The following GRIP1 variants were observed in gnomAD, a reference collection of about 807,000 sequenced individuals.
GRIP1 encodes the protein glutamate receptor interacting protein 1.
GRIP1 carries 45 observed loss-of-function variants against 129.9 expected under a neutral mutation model. The observed-to-expected ratio is 0.35, with a 90% CI of 0.27 to 0.44. GRIP1 has a LOEUF of 0.44. GRIP1 is among the 20% of genes least tolerant of loss of function. The pLI is 1.00. For synonymous variants in GRIP1, 530 were observed against 520.8 expected, an observed-to-expected ratio of 1.02 and a Z score of -0.24; for missense variants, 1,196 against 1,396.8, an observed-to-expected ratio of 0.86 and a Z score of 2.29.
At chr12:66,795,603 T>C (rs925974506) in intron 1 of GRIP1, among the ~76,000 whole-genome samples, 1 of 152,178 alleles carries the variant, frequency 6.6e-6, no homozygotes, top group Non-Finnish European at 1.5e-5. Context: ...ATTTAACACA[T>C]AGTAAGTTAT....
At chr12:67,001,922 T>C (rs536782198) in intron 1 of GRIP1, among the ~76,000 whole-genome samples, 2 of 152,044 alleles carry the variant, frequency 1.3e-5, no homozygotes, top group Non-Finnish European at 2.9e-5. Context: ...CCATTGTCCC[T>C]ACCAGTCATT....
intron 2 of GRIP1, among the ~76,000 whole-genome samples, chr12:66,566,683 G>C (rs1041272130): frequency 6.6e-6 from 1 of 152,140 alleles, no homozygotes; most frequent in Non-Finnish European, 1.5e-5. Context: ...GATTGAAATA[G>C]TTTCAGAAGG....
upstream of GRIP1, among the ~76,000 whole-genome samples, chr12:66,683,796 T>A (rs962079147): frequency 6.6e-6 from 1 of 152,214 alleles, no homozygotes; most frequent in African/African-American, 2.4e-5. Context: ...GCTAAAAGCA[T>A]CTGGTGGAAA....
chr12:66,677,368 T>A (rs1471543926), intron 1 of GRIP1, among the ~76,000 whole-genome samples: 1 of 152,174 alleles, frequency 6.6e-6, no homozygotes, highest in Non-Finnish European at 1.5e-5. Context: ...ACTGATTGTT[T>A]CATGTTTATG....
Position 66,463,105 on chromosome 12 carries a change from A to G in GRIP1, c.873-12T>C, listed in dbSNP as rs901199278. 6 of 1,612,244 alleles carry G rather than the reference A, an allele frequency of 3.7e-6. No individual in the cohort carries two copies. The highest frequency in any genetic ancestry group is 5.1e-6 in the Non-Finnish European group (6 of 1,178,400). On this transcript the variant is annotated splice_polypyrimidine_tract_variant and intron_variant, in intron 8 of 24. Coordinates refer to ENST00000359742, the MANE Select transcript of GRIP1 (RefSeq NM_001366722.1). Reference sequence around the variant, plus strand: ...GCAATGCGCCACATCTACGGAAAGGAGAAATACTCGGTAAGAGGCAGTGCC... The same window carrying G: ...GCAATGCGCCACATCTACGGAAAGGGGAAATACTCGGTAAGAGGCAGTGCC...
At chr12:66,541,544 G>C (rs1038727314) in intron 3 of GRIP1, among the ~76,000 whole-genome samples, 1 of 152,128 alleles carries the variant, frequency 6.6e-6, no homozygotes, top group African/African-American at 2.4e-5. Context: ...GATTCACATA[G>C]GCTTTTTGAA....
intron 1 of GRIP1, among the ~76,000 whole-genome samples, chr12:66,725,257 C>A (rs2036215819): frequency 6.6e-6 from 1 of 152,046 alleles, no homozygotes; most frequent in Non-Finnish European, 1.5e-5. Context: ...GAGTCATGAT[C>A]ACGCCACTGC....
At position 66,984,940 on chromosome 12, in the gene GRIP1, T is replaced by G. The variant is rs996290251; in HGVS notation, c.58+84110A>C. ...TGCAATCCAGGCAGGGCTCCTCTCT[T>G]ATCCACATATTGTCAGCTGGGGTGG... On this transcript the variant is annotated intron_variant, in intron 1 of 1. Transcript: ENST00000643019. 2.0e-5 allele frequency among the ~76,000 whole-genome samples: 3 copies of G among 152,316 alleles called. No homozygotes were observed. In the East Asian group the frequency reaches 5.8e-4, roughly 29 times the overall value.
intron 4 of GRIP1, among the ~76,000 whole-genome samples, chr12:66,535,282 C>T (rs541663024): frequency 6.6e-6 from 1 of 151,964 alleles, no homozygotes; most frequent in Non-Finnish European, 1.5e-5. Context: ...AGAGCATTAG[C>T]TCTAGATAAC....
intron 1 of GRIP1, among the ~76,000 whole-genome samples, chr12:66,638,087 G>C (rs570547372): frequency 1.3e-5 from 2 of 152,252 alleles, no homozygotes; most frequent in East Asian, 3.9e-4. Flanking sequence ...TATACACAAT[G>C]ATCAAGAACA....
chr12:66,895,857 A>C (rs767324265), intron 1 of GRIP1, among the ~76,000 whole-genome samples: 1 of 152,190 alleles, frequency 6.6e-6, no homozygotes, highest in Non-Finnish European at 1.5e-5. Flanking sequence ...CATTTTTGTT[A>C]CTAGTTTAGC....
chr12:67,033,489 A>T (rs1247654441), intron 1 of GRIP1, among the ~76,000 whole-genome samples: 2 of 152,148 alleles, frequency 1.3e-5, no homozygotes, highest in African/African-American at 4.8e-5. Context: ...TTCATTCAGT[A>T]TGTACCTCTC....
chr12:67,037,315 G>A (rs2043111402), intron 1 of GRIP1: 1 of 86,166 alleles, frequency 1.2e-5, no homozygotes, highest in Non-Finnish European at 2.7e-5. Context: ...GCAACAGAGT[G>A]AGACTCTGCC....
intron 23 of GRIP1, among the ~76,000 whole-genome samples, chr12:66,364,774 T>C (rs1414770787): frequency 6.6e-6 from 1 of 151,984 alleles, no homozygotes; most frequent in Non-Finnish European, 1.5e-5. Flanking sequence ...ATTTATTCAG[T>C]GAAGCTAATC....
rs113100968 is a variant in GRIP1 at position 66,967,361 on chromosome 12, C to T, written c.58+101689G>A. ...ACATGTTATTGTTAACTCTAGTCAC[C>T]ATACTATGCAATAGAACATTAGAAC... On this transcript the variant is annotated intron_variant, in intron 1 of 1. Coordinates refer to the GRIP1 transcript ENST00000643019. Among the ~76,000 whole-genome samples the T allele has an allele frequency of 3.4e-3, 520 of 152,146 alleles. 3 individuals carry two copies. Among genetic ancestry groups the T allele is most frequent in the African/African-American group, 0.011 (471 of 41,504 alleles).
chr12:67,005,997 A>G (rs1174385755), intron 1 of GRIP1, among the ~76,000 whole-genome samples: 1 of 152,220 alleles, frequency 6.6e-6, no homozygotes, highest in Non-Finnish European at 1.5e-5. Context: ...CTGAACTTCC[A>G]TGCATAATAT....
chr12:66,565,032 C>T (rs542380602), intron 2 of GRIP1, among the ~76,000 whole-genome samples: 2 of 152,294 alleles, frequency 1.3e-5, no homozygotes, highest in African/African-American at 4.8e-5. Flanking sequence ...AGCCCTTTGT[C>T]AGATGGGTAG....
chr12:66,723,365 T>A (rs2036155145), intron 1 of GRIP1, among the ~76,000 whole-genome samples: 1 of 144,310 alleles, frequency 6.9e-6, no homozygotes, highest in Admixed American at 7.0e-5. Flanking sequence ...CAGGCTGGAG[T>A]GCAGTGGTGC....
intron 2 of GRIP1, chr12:66,563,629 T>C: frequency 6.2e-6 from 1 of 160,980 alleles, no homozygotes. Context: ...ACAAGCTTAT[T>C]TCATGAAGAT....
Sources: gnomAD v4.1 joint callset for allele counts (sites outside exome capture counted in the v4.1 genomes callset) on GRCh38, gnomAD v4.1.1 for gene constraint, MANE v1.5 for transcripts, NCBI Gene and HGNC (gene_info 2026-07-23, HGNC 2026-07-21) for gene names.